The following RBFOX1 variants were observed in gnomAD, a reference collection of about 807,000 sequenced individuals.
The protein encoded by RBFOX1 is RNA binding protein fox-1 homolog 1.
In RBFOX1, 8 loss-of-function variants were observed where a neutral mutation model predicts 57.7. The ratio of observed to expected loss-of-function variants is 0.14; its 90% CI spans 0.08 to 0.25. RBFOX1 has a LOEUF of 0.25. RBFOX1 is among the 10% of genes least tolerant of loss of function. RBFOX1 has a pLI of 1.00. For synonymous variants in RBFOX1, 326 were observed against 222.4 expected (o/e 1.47, Z -4.15); for missense variants, 611 against 548.5 (o/e 1.11, Z -1.14).
At chr16:5,905,907 G>A (rs947069158) in intron 4 of RBFOX1, among the ~76,000 whole-genome samples, 9 of 152,044 alleles carry the variant, frequency 5.9e-5, no homozygotes, top group East Asian at 1.9e-4. Flanking sequence ...TCTTTTTCCC[G>A]ACGATGGAGG....
chr16:5,426,942 T>G (rs1037777333), intron 1 of RBFOX1, among the ~76,000 whole-genome samples: 3 of 152,158 alleles, frequency 2.0e-5, no homozygotes. Context: ...CCAAGATAAC[T>G]CCCTTGTAAG....
rs147972660 is a variant in RBFOX1 at position 6,989,304 on chromosome 16, A to T, written c.-15-62753A>T. ...ATCTGGATAATTTGTCTATGAAGAT[A>T]TATTTACAATTATATGTGCTTCTCT... On this transcript the variant is annotated intron_variant, in intron 3 of 15. Transcript: ENST00000550418. 1.1e-3 allele frequency among the ~76,000 whole-genome samples: 175 copies of T among 152,332 alleles called. 1 individual carries two copies. Among genetic ancestry groups the T allele is most frequent in the Admixed American group, 4.2e-3 (65 of 15,296 alleles).
chr16:6,565,580 G>T (rs544803082), intron 2 of RBFOX1, among the ~76,000 whole-genome samples: 6 of 148,342 alleles, frequency 4.0e-5, no homozygotes, highest in Non-Finnish European at 8.9e-5. Context: ...CGATTCTCCT[G>T]CCTCAGCCTC....
chr16:6,584,028 T>C (rs972636260), intron 2 of RBFOX1, among the ~76,000 whole-genome samples: 136 of 150,492 alleles, frequency 9.0e-4, no homozygotes, highest in African/African-American at 3.0e-3. Context: ...CTCAAAATTG[T>C]AGGATTCCTT....
At chr16:5,910,381 A>T (rs1225761331) in intron 4 of RBFOX1, among the ~76,000 whole-genome samples, 1 of 152,182 alleles carries the variant, frequency 6.6e-6, no homozygotes, top group Non-Finnish European at 1.5e-5. Flanking sequence ...TCTTGACTGG[A>T]AGAATGTCCC....
chr16:5,500,709 G>A (rs943521936), intron 2 of RBFOX1, among the ~76,000 whole-genome samples: 11 of 152,152 alleles, frequency 7.2e-5, no homozygotes, highest in Admixed American at 5.2e-4. Context: ...ATATGGTCCC[G>A]TTGGCAAAGT....
At chr16:5,673,141 A>AT (rs2050064595) in intron 3 of RBFOX1, among the ~76,000 whole-genome samples, 1 of 152,156 alleles carries the variant, frequency 6.6e-6, no homozygotes, top group Non-Finnish European at 1.5e-5. Flanking sequence ...GACACACACA[A>AT]GCCTTATAAT....
chr16:6,446,859 G>A (rs555617916), intron 2 of RBFOX1, among the ~76,000 whole-genome samples: 25 of 152,070 alleles, frequency 1.6e-4, no homozygotes, highest in Non-Finnish European at 2.9e-4. Flanking sequence ...GCCACATAGC[G>A]CTCTTTTTAC....
intron 3 of RBFOX1, among the ~76,000 whole-genome samples, chr16:5,721,795 C>A (rs963711557): frequency 6.6e-6 from 1 of 152,168 alleles, no homozygotes; most frequent in South Asian, 2.1e-4. Context: ...CCTGTCACAA[C>A]CCTGCCTGTG....
intron 2 of RBFOX1, among the ~76,000 whole-genome samples, chr16:6,359,773 G>T (rs545228538): frequency 1.3e-5 from 2 of 152,028 alleles, no homozygotes; most frequent in African/African-American, 2.4e-5. Context: ...ATACACAGCC[G>T]ACTTACTGTG....
intron 2 of RBFOX1, among the ~76,000 whole-genome samples, chr16:6,615,679 C>G (rs1245109013): frequency 6.6e-6 from 1 of 152,178 alleles, no homozygotes; most frequent in Non-Finnish European, 1.5e-5. Context: ...TTTCCATCAG[C>G]CTTTCCCTCT....
intron 4 of RBFOX1, among the ~76,000 whole-genome samples, chr16:7,351,507 C>A (rs1248381378): frequency 6.6e-6 from 1 of 152,096 alleles, no homozygotes; most frequent in African/African-American, 2.4e-5. Context: ...TATATATAAA[C>A]TGATTAATTT....
chr16:6,096,656 A>T lies in RBFOX1; in HGVS notation c.-127+76664A>T, dbSNP rs1005169849. On this transcript the variant is annotated intron_variant, in intron 1 of 15. Coordinates refer to ENST00000550418, the MANE Select transcript of RBFOX1 (RefSeq NM_018723.4). ...TCATTGGGTTTGATACAGTGGCATC[A>T]ATCTTACAGTTTATCATGTACCGAT... 4.6e-5 allele frequency among the ~76,000 whole-genome samples: 7 copies of T among 152,220 alleles called. No homozygotes were observed. In the East Asian group the frequency reaches 5.8e-4, roughly 13 times the overall value.
intron 2 of RBFOX1, among the ~76,000 whole-genome samples, chr16:6,472,953 G>A (rs1472259763): frequency 1.3e-5 from 2 of 152,074 alleles, no homozygotes; most frequent in African/African-American, 4.8e-5. Context: ...CCTCAAGGAA[G>A]AATTGTTGTA....
At chr16:6,773,200 TTTGTGTGTGA>T in intron 3 of RBFOX1, among the ~76,000 whole-genome samples, 1 of 141,888 alleles carries the variant, frequency 7.0e-6, no homozygotes, top group East Asian at 2.2e-4. Flanking sequence ...ATGGGGTGCA[TTTGTGTGTGA>T]GTGTATGTGT....
chr16:6,900,755 G>C (rs973177112), intron 3 of RBFOX1, among the ~76,000 whole-genome samples: 1 of 152,100 alleles, frequency 6.6e-6, no homozygotes, highest in Non-Finnish European at 1.5e-5. Context: ...GGGATCTTCT[G>C]TCTACGTGTA....
intron 2 of RBFOX1, among the ~76,000 whole-genome samples, chr16:6,339,257 C>G (rs1366385942): frequency 1.3e-5 from 2 of 152,118 alleles, no homozygotes; most frequent in African/African-American, 4.8e-5. Context: ...CATACTAAAG[C>G]CAGGGAAATG....
At chr16:6,899,209 A>ATG (rs922213328) in intron 3 of RBFOX1, among the ~76,000 whole-genome samples, 1 of 147,696 alleles carries the variant, frequency 6.8e-6, no homozygotes, top group Non-Finnish European at 1.5e-5. Context: ...ATGTGTGTAT[A>ATG]TGTGTGTGTA....
intron 3 of RBFOX1, among the ~76,000 whole-genome samples, chr16:6,960,555 T>G (rs901636515): frequency 6.6e-6 from 1 of 152,120 alleles, no homozygotes; most frequent in African/African-American, 2.4e-5. Flanking sequence ...CTTTCTTGTA[T>G]CTGTTCCCCT....
Sources: gnomAD v4.1 joint callset for allele counts (sites outside exome capture counted in the v4.1 genomes callset) on GRCh38, gnomAD v4.1.1 for gene constraint, MANE v1.5 for transcripts, NCBI Gene and HGNC (gene_info 2026-07-23, HGNC 2026-07-21) for gene names.